CDK14: variants seen among roughly 807,000 people sequenced by gnomAD.
The protein encoded by CDK14 is cyclin dependent kinase 14.
In CDK14, 34 loss-of-function variants were observed where a neutral mutation model predicts 60.7. The ratio of observed to expected loss-of-function variants is 0.56; its 90% CI spans 0.43 to 0.75. CDK14 has a LOEUF of 0.75. CDK14 is among the 30% of genes least tolerant of loss of function. CDK14 has a pLI of 0.00. For synonymous variants in CDK14, 197 were observed against 203.7 expected, an observed-to-expected ratio of 0.97 and a Z score of 0.28; for missense variants, 482 against 564.1, an observed-to-expected ratio of 0.85 and a Z score of 1.47.
At chr7:91,099,637 A>C (rs1799099800) in intron 12 of CDK14, among the ~76,000 whole-genome samples, 1 of 152,156 alleles carries the variant, frequency 6.6e-6, no homozygotes, top group African/African-American at 2.4e-5. Context: ...AGAAAAGGTC[A>C]ATCTTCACAG....
chr7:90,713,477 G>T (rs376606087), intron 2 of CDK14, among the ~76,000 whole-genome samples: 3 of 151,854 alleles, frequency 2.0e-5, no homozygotes, highest in African/African-American at 7.3e-5. Context: ...CTGTTTTTCT[G>T]TTATGGCCTG....
intron 12 of CDK14, among the ~76,000 whole-genome samples, chr7:91,081,800 C>T (rs1798489980): frequency 6.6e-6 from 1 of 151,740 alleles, no homozygotes; most frequent in African/African-American, 2.4e-5. Flanking sequence ...GAAAACAAAG[C>T]AGCAATGGGA....
chr7:90,653,524 C>T (rs901654474), intron 2 of CDK14, among the ~76,000 whole-genome samples: 1 of 151,960 alleles, frequency 6.6e-6, no homozygotes, highest in Non-Finnish European at 1.5e-5. Flanking sequence ...AGAGGGGTAA[C>T]CATTCCTTGT....
At position 90,955,691 on chromosome 7, in the gene CDK14, C is replaced by T. The variant is rs1794389424; in HGVS notation, c.827-6C>T. ...TAAACTTCTTTATGTTTCATATAAC[C>T]CACAGGTCTTGCAAGAGCAAAATCC... is the stretch of plus-strand genomic sequence containing the variant. On this transcript the variant is annotated splice_polypyrimidine_tract_variant and splice_region_variant and intron_variant, in intron 8 of 14. Coordinates refer to ENST00000380050, the MANE Select transcript of CDK14 (RefSeq NM_001287135.2). The T allele has an allele frequency of 6.2e-7, 1 of 1,612,798 alleles. No homozygotes were observed. Among genetic ancestry groups the T allele is most frequent in the Non-Finnish European group, 8.5e-7 (1 of 1,179,038 alleles).
chr7:90,841,088 C>T (rs752530777), intron 5 of CDK14, among the ~76,000 whole-genome samples: 1 of 151,908 alleles, frequency 6.6e-6, no homozygotes, highest in Non-Finnish European at 1.5e-5. Flanking sequence ...TTGCTTTATA[C>T]CTTTAGAAAT....
intron 2 of CDK14, among the ~76,000 whole-genome samples, chr7:90,635,146 C>T (rs1298920279): frequency 6.6e-6 from 1 of 152,130 alleles, no homozygotes; most frequent in African/African-American, 2.4e-5. Context: ...AATTAGATCC[C>T]ATTTGTCAAT....
chr7:90,862,047 C>CA (rs1231280380), intron 5 of CDK14, among the ~76,000 whole-genome samples: 1 of 151,464 alleles, frequency 6.6e-6, no homozygotes, highest in East Asian at 1.9e-4. Flanking sequence ...GAGAAATGGA[C>CA]AAAAAATAAA....
intron 2 of CDK14, among the ~76,000 whole-genome samples, chr7:90,607,981 C>T (rs932050596): frequency 6.6e-6 from 1 of 152,120 alleles, no homozygotes; most frequent in Non-Finnish European, 1.5e-5. Flanking sequence ...AGTGAAGGGG[C>T]TACATAATTA....
intron 4 of CDK14, among the ~76,000 whole-genome samples, chr7:90,773,716 A>G (rs1006648210): frequency 6.6e-6 from 1 of 151,906 alleles, no homozygotes; most frequent in Non-Finnish European, 1.5e-5. Flanking sequence ...AAATTTATTG[A>G]CTGTGTATAA....
intron 2 of CDK14, among the ~76,000 whole-genome samples, chr7:90,719,914 C>T (rs1366933410): frequency 6.6e-6 from 1 of 152,136 alleles, no homozygotes; most frequent in Non-Finnish European, 1.5e-5. Context: ...TCACACGATA[C>T]TGATAGCATA....
chr7:90,962,345 G>A (rs1390226949), intron 9 of CDK14, among the ~76,000 whole-genome samples: 1 of 152,144 alleles, frequency 6.6e-6, no homozygotes, highest in Admixed American at 6.5e-5. Flanking sequence ...AATTAGCTGG[G>A]CATGGTGGCA....
intron 11 of CDK14, among the ~76,000 whole-genome samples, chr7:91,066,641 T>C (rs1001342113): frequency 1.3e-5 from 2 of 152,212 alleles, no homozygotes; most frequent in African/African-American, 4.8e-5. Context: ...AAAGTTTGCT[T>C]TGTAGTGCCT....
intron 10 of CDK14, among the ~76,000 whole-genome samples, chr7:91,000,533 C>T (rs1402308190): frequency 1.3e-5 from 2 of 152,184 alleles, no homozygotes; most frequent in African/African-American, 2.4e-5. Flanking sequence ...AGCCGAGATT[C>T]GTGTTAGTAT....
intron 11 of CDK14, 146 bp from the exon 12 acceptor site, chr7:91,079,286 T>C: frequency 3.6e-6 from 2 of 558,962 alleles, no homozygotes; most frequent in Non-Finnish European, 6.4e-6. Context: ...TCTTTATAAC[T>C]GCCCAGTATA....
chr7:91,173,440 A>G (rs182333062), intron 14 of CDK14, among the ~76,000 whole-genome samples: 2,893 of 149,302 alleles, frequency 0.019, 58 homozygotes, highest in African/African-American at 0.035. Context: ...AAAAAAAAAA[A>G]GGTGGGGAGG....
At chr7:90,760,877 A>G (rs937942883) in intron 4 of CDK14, among the ~76,000 whole-genome samples, 3 of 152,196 alleles carry the variant, frequency 2.0e-5, no homozygotes, top group Admixed American at 2.0e-4. Context: ...TAGGGTTCCT[A>G]TCCTTAGCTA....
At chr7:90,891,206 T>A (rs1422536693) in intron 6 of CDK14, among the ~76,000 whole-genome samples, 1 of 152,032 alleles carries the variant, frequency 6.6e-6, no homozygotes, top group Non-Finnish European at 1.5e-5. Flanking sequence ...TGGCTTAGAG[T>A]TTTTATAATG....
intron 6 of CDK14, among the ~76,000 whole-genome samples, chr7:90,870,201 T>A (rs1791323866): frequency 6.6e-6 from 1 of 152,188 alleles, no homozygotes; most frequent in Admixed American, 6.5e-5. Context: ...GGAACATGTA[T>A]GGAGCTGGAG....
At chr7:91,014,301 T>C (rs1001170635) in intron 10 of CDK14, among the ~76,000 whole-genome samples, 2 of 152,188 alleles carry the variant, frequency 1.3e-5, no homozygotes, top group African/African-American at 4.8e-5. Context: ...TTTCTCAAAT[T>C]AGCTTATATT....
Sources: allele counts gnomAD v4.1 joint callset (sites outside exome capture counted in the v4.1 genomes callset), GRCh38; gene constraint gnomAD v4.1.1; transcripts MANE v1.5; gene names NCBI Gene and HGNC (gene_info 2026-07-23, HGNC 2026-07-21).